LAMB1: variants seen among roughly 807,000 people sequenced by gnomAD.
LAMB1 encodes laminin subunit beta 1, also known as laminin subunit beta-1.
Under a neutral mutation model 222.3 loss-of-function variants are expected in LAMB1, and 121 were observed. The observed-to-expected ratio is 0.54, with a 90% confidence interval of 0.47 to 0.63. The LOEUF (loss-of-function observed/expected upper bound fraction) is 0.63. Ranked by LOEUF, LAMB1 falls within the 30% of genes least tolerant of loss-of-function variation. The probability of loss-of-function intolerance (pLI) is 0.00; values close to 1 mark genes in which losing one functional copy is unlikely to be tolerated. For synonymous variants in LAMB1, 794 were observed against 807.2 expected (o/e 0.98, Z 0.28); for missense variants, 2,172 against 2,240.8 (o/e 0.97, Z 0.62).
rs1299747307 is a variant in LAMB1 at position 107,931,395 on chromosome 7, G to C, written c.4498C>G (p.Leu1500Val). ...KEKMDKSNEE[L>V]RNLIKQIRNF... is the part of the protein sequence containing the mutation. ...CTGATTTGCTTGATTAGATTTCTCA[G>C]CTCCTCATTGCTCTTGTCCATTTTT... is the stretch of plus-strand genomic sequence containing the variant. The change falls in exon 29 of 34, where the codon CTG becomes GTG. Residue 1500 changes from leucine to valine, a missense_variant. Transcript: ENST00000222399. The C allele has an allele frequency of 1.9e-5, 30 of 1,613,628 alleles. No homozygotes were observed. The highest frequency in any genetic ancestry group is 2.5e-5 in the Non-Finnish European group (30 of 1,179,814).
chr7:107,971,250 T>C (rs1481434670), intron 13 of LAMB1, among the ~76,000 whole-genome samples: 1 of 152,220 alleles, frequency 6.6e-6, no homozygotes, highest in African/African-American at 2.4e-5. Context: ...AAGGAGTACA[T>C]ATCTAGTTTT....
rs541624554 is a variant in LAMB1 at position 107,975,632 on chromosome 7, A to G, written c.1189+57T>C. On this transcript the variant is annotated intron_variant, in intron 10 of 33. Coordinates refer to ENST00000222399, the MANE Select transcript of LAMB1 (RefSeq NM_002291.3). ...TGAGCTCTGAGACTACTGACTATTC[A>G]GTTTGGAAGGCAATCTGAAGTAGGT... 6.0e-6 allele frequency: 9 copies of G among 1,501,100 alleles called. No individual in the cohort carries two copies. In the Admixed American group the frequency reaches 1.5e-4, roughly 25 times the overall value. The allele number at this position is 1,501,100 out of a possible 1,614,324, so 93.0% of individuals were successfully genotyped here.
In LAMB1 at chr7:107,929,224, G is replaced by A. The variant is rs1373311708; in HGVS notation, c.4746-19C>T. 1 of 1,613,156 alleles carries A rather than the reference G, an allele frequency of 6.2e-7. No homozygotes were observed. Among genetic ancestry groups the A allele is most frequent in the Non-Finnish European group, 8.5e-7 (1 of 1,179,454 alleles). On this transcript the variant is annotated intron_variant, in intron 30 of 33. Coordinates refer to ENST00000222399, the MANE Select transcript of LAMB1 (RefSeq NM_002291.3). The stretch of plus-strand genomic sequence containing the variant: ...ACTTTTGCTGAGTAAAAAATAATGA[G>A]ACAGTATATTGTTGCTGAACATGAA...
chr7:107,981,444 TTA>T (rs1491142932), intron 7 of LAMB1, among the ~76,000 whole-genome samples: 33 of 118,342 alleles, frequency 2.8e-4, no homozygotes, highest in African/African-American at 1.0e-3. Context: ...GCAAAACTGT[TTA>T]AAAAAAAAAA....
chr7:107,963,032 TGG>T lies in LAMB1; in HGVS notation c.1728_1729del (p.Gln577GlyfsTer16). On this transcript the variant is annotated frameshift_variant, in exon 15 of 34. Transcript: ENST00000222399. LOFTEE classifies it high-confidence loss of function. Reference sequence around the variant, plus strand: ...TCCAGTCCAGGAGGGAATCCGGTCCTGGATATATTGCCGCTCCACTATGCTAA... The same window carrying T: ...TCCAGTCCAGGAGGGAATCCGGTCCTATATATTGCCGCTCCACTATGCTAA... The T allele has an allele frequency of 1.9e-6, 3 of 1,613,942 alleles. No individual in the cohort carries two copies. The highest frequency in any genetic ancestry group is 1.7e-6 in the Non-Finnish European group (2 of 1,179,870).
intron 9 of LAMB1, among the ~76,000 whole-genome samples, chr7:107,976,716 C>A (rs562635845): frequency 6.6e-6 from 1 of 152,172 alleles, no homozygotes; most frequent in Non-Finnish European, 1.5e-5. Flanking sequence ...TTGGAGTAAT[C>A]CTTCCCAGCA....
At chr7:107,959,613 G>A (rs1173869493) in intron 19 of LAMB1, 78 bp downstream of exon 19, 5 of 1,613,320 alleles carry the variant, frequency 3.1e-6, no homozygotes, top group Non-Finnish European at 4.2e-6. Context: ...GGAAGCATCG[G>A]CTCTGCAGCA....
intron 27 of LAMB1, 27 bp downstream of exon 27, chr7:107,935,388 C>T (rs762658347): frequency 3.0e-5 from 33 of 1,113,798 alleles, no homozygotes; most frequent in African/African-American, 5.9e-5. Context: ...GGCACCATAG[C>T]AGTAAGGCCA....
chr7:107,953,170 A>C (rs763295533), intron 22 of LAMB1, among the ~76,000 whole-genome samples: 14 of 152,302 alleles, frequency 9.2e-5, no homozygotes, highest in Admixed American at 2.6e-4. Context: ...CAACCTGACC[A>C]ACATGGTGAA....
At chr7:108,002,432 GC>G in intron 2 of LAMB1, 1 of 1,307,394 alleles carries the variant, frequency 7.6e-7, no homozygotes, top group Non-Finnish European at 1.0e-6. Context: ...AAGCCACATG[GC>G]CCCCATCTGT....
At chr7:107,969,857 G>A (rs776671157) in intron 13 of LAMB1, among the ~76,000 whole-genome samples, 10 of 152,126 alleles carry the variant, frequency 6.6e-5, no homozygotes, top group Admixed American at 2.0e-4. Flanking sequence ...TGGGACCACC[G>A]TTGTATGTGT....
At chr7:107,958,990 T>C (rs2033435499) in intron 20 of LAMB1, among the ~76,000 whole-genome samples, 1 of 152,210 alleles carries the variant, frequency 6.6e-6, no homozygotes, top group African/African-American at 2.4e-5. Flanking sequence ...TGGTAAGCTC[T>C]AGGGTGACTC....
In LAMB1 at chr7:107,933,859, C is replaced by T. The variant is rs115591761; in HGVS notation, c.4189-1482G>A. Reference sequence around the variant, plus strand: ...CACACATTTGAAAGGCCAGAGGAACCCCGAACCCCACCCACCGCCCATGCA... The same window carrying T: ...CACACATTTGAAAGGCCAGAGGAACTCCGAACCCCACCCACCGCCCATGCA... On this transcript the variant is annotated intron_variant, in intron 27 of 33. Transcript: ENST00000222399. Among the ~76,000 whole-genome samples, 267 of 152,242 alleles carry T rather than the reference C, an allele frequency of 1.8e-3. 1 individual carries two copies. The highest frequency in any genetic ancestry group is 5.6e-3 in the African/African-American group (231 of 41,526).
At chr7:107,987,737 G>A (rs1165231377) in intron 5 of LAMB1, among the ~76,000 whole-genome samples, 1 of 152,170 alleles carries the variant, frequency 6.6e-6, no homozygotes, top group East Asian at 1.9e-4. Context: ...CCTGACCTCA[G>A]GTGATCCACC....
chr7:107,981,500 T>C (rs1261397479), intron 7 of LAMB1, among the ~76,000 whole-genome samples: 1 of 151,398 alleles, frequency 6.6e-6, no homozygotes, highest in African/African-American at 2.4e-5. Flanking sequence ...GTAATCCCAG[T>C]TACTCTGGAG....
chr7:107,963,855 T>A (rs1236436479), intron 14 of LAMB1, among the ~76,000 whole-genome samples: 4 of 152,224 alleles, frequency 2.6e-5, no homozygotes, highest in Non-Finnish European at 5.9e-5. Flanking sequence ...TCCCAACACT[T>A]TGGGAGGCCA....
intron 4 of LAMB1, 36 bp from the exon 5 acceptor site, chr7:107,994,996 A>C (rs766152962): frequency 8.7e-7 from 1 of 1,155,256 alleles, no homozygotes; most frequent in East Asian, 2.4e-5. Flanking sequence ...ACAATAAATG[A>C]AACTGTAAAT....
rs761007153 is a variant in LAMB1 at position 107,939,988 on chromosome 7, C to G, written c.3761+1G>C. 6.2e-7 allele frequency: 1 copy of G among 1,612,412 alleles called. No homozygotes were observed. Among genetic ancestry groups the G allele is most frequent in the South Asian group, 1.1e-5 (1 of 91,024 alleles). Reference sequence around the variant, plus strand: ...ATTCCTCTGGCTCATTAACTACTTACTCTGCTTCCTCAAAGAGATTCCCAA... The same window carrying G: ...ATTCCTCTGGCTCATTAACTACTTAGTCTGCTTCCTCAAAGAGATTCCCAA... On this transcript the variant is annotated splice_donor_variant, in intron 25 of 33. Coordinates refer to ENST00000222399, the MANE Select transcript of LAMB1 (RefSeq NM_002291.3). LOFTEE classifies it high-confidence loss of function.
intron 3 of LAMB1, among the ~76,000 whole-genome samples, chr7:108,000,700 C>T (rs757934): frequency 0.17 from 25,359 of 151,820 alleles, 2,610 homozygotes; most frequent in Admixed American, 0.24. Flanking sequence ...TGGACCACCA[C>T]GCCCAGCTAA....
Sources: gnomAD v4.1 joint callset for allele counts (sites outside exome capture counted in the v4.1 genomes callset) on GRCh38, gnomAD v4.1.1 for gene constraint, MANE v1.5 for transcripts, NCBI Gene and HGNC (gene_info 2026-07-23, HGNC 2026-07-21) for gene names.